The following SH3RF3 variants were observed in gnomAD, a reference collection of about 807,000 sequenced individuals.
SH3RF3 encodes SH3 domain containing ring finger 3.
In SH3RF3, 29 loss-of-function variants were observed where a neutral mutation model predicts 66.3. The ratio of observed to expected loss-of-function variants is 0.44; its 90% CI spans 0.33 to 0.60. The LOEUF (loss-of-function observed/expected upper bound fraction) is 0.60. Among genes scored for constraint, SH3RF3 ranks in the 20% least tolerant of loss-of-function variants. The probability of loss-of-function intolerance (pLI) is 0.04; values close to 1 mark genes in which losing one functional copy is unlikely to be tolerated. For missense variants in SH3RF3, 1,194 were observed against 1,190.9 expected (o/e 1.00, Z -0.04); for synonymous variants, 583 against 532.0 (o/e 1.10, Z -1.32).
At chr2:109,217,361 G>A (rs1380734203) in intron 1 of SH3RF3, among the ~76,000 whole-genome samples, 1 of 152,138 alleles carries the variant, frequency 6.6e-6, no homozygotes, top group Non-Finnish European at 1.5e-5. Flanking sequence ...TTACCATATC[G>A]TGAATGAGGC....
At chr2:109,343,819 A>G (rs1421857411) in intron 1 of SH3RF3, among the ~76,000 whole-genome samples, 1 of 149,902 alleles carries the variant, frequency 6.7e-6, no homozygotes, top group African/African-American at 2.5e-5. Flanking sequence ...ATCATTGCTC[A>G]CTGCAGCCTC....
intron 1 of SH3RF3, among the ~76,000 whole-genome samples, chr2:109,247,878 G>C (rs188751852): frequency 6.6e-6 from 1 of 152,308 alleles, no homozygotes; most frequent in East Asian, 1.9e-4. Flanking sequence ...CCAAAGGCTA[G>C]CCTGGGCGTC....
intron 1 of SH3RF3, among the ~76,000 whole-genome samples, chr2:109,338,453 C>T (rs1284620785): frequency 2.0e-5 from 3 of 151,838 alleles, no homozygotes; most frequent in African/African-American, 7.2e-5. Flanking sequence ...TTTACATGCT[C>T]ACAGATACTT....
At chr2:109,202,628 C>T (rs574773533) in intron 1 of SH3RF3, among the ~76,000 whole-genome samples, 33 of 152,240 alleles carry the variant, frequency 2.2e-4, no homozygotes, top group African/African-American at 4.1e-4. Flanking sequence ...GGCGTCAGCC[C>T]GGCCCCAGGA....
At position 109,371,576 on chromosome 2, in the gene SH3RF3, G is replaced by C; in HGVS notation, c.850-10G>C. On this transcript the variant is annotated splice_polypyrimidine_tract_variant and intron_variant, in intron 2 of 9. Coordinates refer to ENST00000309415, the MANE Select transcript of SH3RF3 (RefSeq NM_001099289.3). ...GTATGCTTGTGTCCACGGTGGACCC[G>C]GAACTGCAGGACGAGATTCTGACGG... 6.2e-7 allele frequency: 1 copy of C among 1,613,408 alleles called. No individual in the cohort carries two copies. The highest frequency in any genetic ancestry group is 8.5e-7 in the Non-Finnish European group (1 of 1,179,514).
intron 9 of SH3RF3, among the ~76,000 whole-genome samples, chr2:109,496,499 A>C (rs36167937): frequency 0.26 from 38,790 of 152,104 alleles, 5,290 homozygotes; most frequent in East Asian, 0.5. Context: ...TCTAATAGTA[A>C]CATATGCTGT....
In SH3RF3 at chr2:109,347,893, T is replaced by C. The variant is rs1359881689; in HGVS notation, c.793T>C (p.Tyr265His). ...CGCCCCGCCCCAGGGAAAAGCACTTTATGATTTCGAGATGAAGGACAAAGA... is the reference window on the plus strand; with the variant it reads ...CGCCCCGCCCCAGGGAAAAGCACTTCATGATTTCGAGATGAAGGACAAAGA... ...PHAPPQGKAL[Y>H]DFEMKDKDQD... The change falls in exon 2 of 10, where the codon TAT (tyrosine) becomes CAT (histidine). Residue 265 changes from tyrosine (Y) to histidine (H), a missense_variant. Coordinates refer to ENST00000309415, the MANE Select transcript of SH3RF3 (RefSeq NM_001099289.3). The C allele has an allele frequency of 6.2e-7, 1 of 1,612,042 alleles. No homozygotes were observed. The highest frequency in any genetic ancestry group is 8.5e-7 in the Non-Finnish European group (1 of 1,179,124).
intron 1 of SH3RF3, among the ~76,000 whole-genome samples, chr2:109,300,700 C>T (rs1455656921): frequency 6.6e-6 from 1 of 152,344 alleles, no homozygotes; most frequent in East Asian, 1.9e-4. Flanking sequence ...CCTCCTTCAC[C>T]ACCTTCCAAC....
At chr2:109,204,210 A>ATGTC (rs1385606571) in intron 1 of SH3RF3, among the ~76,000 whole-genome samples, 2 of 152,034 alleles carry the variant, frequency 1.3e-5, no homozygotes, top group Non-Finnish European at 2.9e-5. Flanking sequence ...ATCTGTCTGT[A>ATGTC]TGTCTGTCTG....
At chr2:109,238,449 TTGTGTGTGTGTGTGTGTGTGTGTG>T (rs56112018) in intron 1 of SH3RF3, among the ~76,000 whole-genome samples, 14 of 142,710 alleles carry the variant, frequency 9.8e-5, no homozygotes, top group African/African-American at 2.0e-4. Flanking sequence ...TTATGTATAT[TTGTGTGTGTGTGTGTGTGTGTGTG>T]TGTGTGTGTG....
intron 1 of SH3RF3, among the ~76,000 whole-genome samples, chr2:109,197,985 G>A (rs558877279): frequency 6.6e-6 from 1 of 152,310 alleles, no homozygotes; most frequent in African/African-American, 2.4e-5. Flanking sequence ...AGGGGTTGAG[G>A]TTTTTCACAG....
chr2:109,346,437 A>G lies in SH3RF3; in HGVS notation c.574-1237A>G, dbSNP rs146675688. On this transcript the variant is annotated intron_variant, in intron 1 of 9. Coordinates refer to ENST00000309415, the MANE Select transcript of SH3RF3 (RefSeq NM_001099289.3). ...TTCGAATACTGAAGAACTCCTTGGC[A>G]TAGGCAGCCCTGGTGAGAAAATGCG... Among the ~76,000 whole-genome samples the G allele has an allele frequency of 1.8e-3, 270 of 152,294 alleles. 1 individual carries two copies. The highest frequency in any genetic ancestry group is 2.8e-3 in the Non-Finnish European group (190 of 68,018).
At chr2:109,402,334 T>C (rs2104453633) in intron 4 of SH3RF3, among the ~76,000 whole-genome samples, 1 of 152,366 alleles carries the variant, frequency 6.6e-6, no homozygotes, top group African/African-American at 2.4e-5. Context: ...TTCCCCACCA[T>C]GCTGGCCACA....
rs554983377 is a variant in SH3RF3 at position 109,129,458 on chromosome 2, C to A, written c.-83C>A. ...TCACGGCGGAGCCCGGCTCCCCAGT[C>A]CTGATGCTGGCTGCCGGTGGCGGGC... On this transcript the variant is annotated 5_prime_UTR_variant, in exon 1 of 10. Transcript: ENST00000309415. 1.9e-4 allele frequency: 286 copies of A among 1,495,316 alleles called. 4 individuals carry two copies. In the African/African-American group the frequency reaches 3.9e-3, roughly 20 times the overall value. 92.6% of individuals were successfully genotyped at this position (1,495,316 alleles called of 1,614,324 possible).
chr2:109,411,876 G>A lies in SH3RF3; in HGVS notation c.1300-7663G>A, dbSNP rs139647718. 7.4e-3 allele frequency among the ~76,000 whole-genome samples: 1,122 copies of A among 152,276 alleles called. 8 individuals carry two copies. Among genetic ancestry groups the A allele is most frequent in the Non-Finnish European group, 9.4e-3 (638 of 68,028 alleles). The stretch of plus-strand genomic sequence containing the variant: ...CTGTTAAATCCCACATATTTGCTTG[G>A]AGCTTTTGCCATATCAAGTGTCAGC... On this transcript the variant is annotated intron_variant, in intron 4 of 9. Coordinates refer to ENST00000309415, the MANE Select transcript of SH3RF3 (RefSeq NM_001099289.3).
At chr2:109,348,362 G>C (rs1682763879) in intron 2 of SH3RF3, among the ~76,000 whole-genome samples, 1 of 152,212 alleles carries the variant, frequency 6.6e-6, no homozygotes, top group South Asian at 2.1e-4. Flanking sequence ...AGAGACCCTG[G>C]TCAGCTCACA....
At chr2:109,319,147 A>T (rs1159469050) in intron 1 of SH3RF3, among the ~76,000 whole-genome samples, 3 of 152,170 alleles carry the variant, frequency 2.0e-5, no homozygotes, top group African/African-American at 7.2e-5. Flanking sequence ...AGATGGGGGC[A>T]TGGCTTAGTA....
chr2:109,305,282 C>T (rs1323727501), intron 1 of SH3RF3, among the ~76,000 whole-genome samples: 3 of 152,024 alleles, frequency 2.0e-5, no homozygotes, highest in East Asian at 1.9e-4. Flanking sequence ...AGACTGGAGG[C>T]GTTTTGACTG....
intron 1 of SH3RF3, among the ~76,000 whole-genome samples, chr2:109,132,880 T>A (rs886805046): frequency 6.6e-6 from 1 of 152,244 alleles, no homozygotes; most frequent in African/African-American, 2.4e-5. Flanking sequence ...TGGTTCCACA[T>A]TGAGTAATTC....
Sources: allele counts gnomAD v4.1 joint callset (sites outside exome capture counted in the v4.1 genomes callset), GRCh38; gene constraint gnomAD v4.1.1; transcripts MANE v1.5; gene names NCBI Gene and HGNC (gene_info 2026-07-23, HGNC 2026-07-21).